The following BRWD1 variants were observed in gnomAD, a reference collection of about 807,000 sequenced individuals.
The protein encoded by BRWD1 is bromodomain and WD repeat-containing protein 1.
BRWD1 carries 82 observed loss-of-function variants against 251.2 expected under a neutral mutation model. The observed-to-expected ratio is 0.33, with a 90% CI of 0.27 to 0.39. BRWD1 has a LOEUF of 0.39. Ranked by LOEUF, BRWD1 falls within the 10% of genes least tolerant of loss-of-function variation. BRWD1 has a pLI of 1.00. For synonymous variants in BRWD1, 918 were observed against 902.8 expected (o/e 1.02, Z -0.30); for missense variants, 2,233 against 2,711.6 (o/e 0.82, Z 3.92).
chr21:39,285,005 G>A (rs1454381230), intron 8 of BRWD1, among the ~76,000 whole-genome samples: 1 of 152,164 alleles, frequency 6.6e-6, no homozygotes, highest in Non-Finnish European at 1.5e-5. Context: ...TCAGTATATT[G>A]AAGAGATAAT....
rs141955656 is a variant in BRWD1 at position 39,293,592 on chromosome 21, C to T, written c.831+219G>A. 3.4e-3 allele frequency among the ~76,000 whole-genome samples: 516 copies of T among 152,200 alleles called. 3 individuals are homozygous for T. The highest frequency in any genetic ancestry group is 0.012 in the African/African-American group (498 of 41,528). On this transcript the variant is annotated intron_variant, in intron 8 of 40. Transcript: ENST00000342449. ...CTAATTGACACTCATCCAGTTCAAC[C>T]ATAAACCCCAAAATATCAATAAGCC...
At chr21:39,277,009 A>T (rs913807019) in intron 11 of BRWD1, among the ~76,000 whole-genome samples, 1 of 152,198 alleles carries the variant, frequency 6.6e-6, no homozygotes, top group African/African-American at 2.4e-5. Flanking sequence ...ACAATATTTT[A>T]ACTGTCAAAT....
intron 32 of BRWD1, 61 bp downstream of exon 32, chr21:39,215,176 A>C (rs1303075171): frequency 2.8e-5 from 44 of 1,561,718 alleles, no homozygotes; most frequent in Non-Finnish European, 3.8e-5. Flanking sequence ...CGGCAAAACT[A>C]GATGATTGTT....
At chr21:39,319,257 C>T (rs1029126748) in intron 1 of BRWD1, among the ~76,000 whole-genome samples, 1 of 152,186 alleles carries the variant, frequency 6.6e-6, no homozygotes, top group Admixed American at 6.5e-5. Context: ...TGCTACTTGT[C>T]CCTGCCTTCC....
chr21:39,209,940 A>G (rs2146492539), intron 36 of BRWD1, 55 bp downstream of exon 36: 2 of 1,535,952 alleles, frequency 1.3e-6, no homozygotes, highest in East Asian at 2.3e-5. Context: ...ATTACATTGG[A>G]AAATTATCTA....
chr21:39,272,599 A>C (rs2035152760), intron 13 of BRWD1, among the ~76,000 whole-genome samples: 1 of 151,296 alleles, frequency 6.6e-6, no homozygotes, highest in African/African-American at 2.4e-5. Context: ...TTTTGAAGTA[A>C]TAACATTGCT....
upstream of BRWD1, chr21:39,314,849 TCA>T (rs2036666027): frequency 6.3e-6 from 1 of 158,288 alleles, no homozygotes; most frequent in Non-Finnish European, 1.4e-5. Flanking sequence ...CCTGTGGGTC[TCA>T]GTGTTCCTTA....
rs73209858 is a variant in BRWD1 at position 39,285,897 on chromosome 21, T to C, written c.832-5649A>G. Among the ~76,000 whole-genome samples the C allele has an allele frequency of 9.8e-3, 1,269 of 130,034 alleles. 17 individuals are homozygous for C. Among genetic ancestry groups the C allele is most frequent in the Admixed American group, 0.034 (428 of 12,632 alleles). The allele number at this position is 130,034 out of a possible 152,430, so 85.3% of individuals were successfully genotyped here. A position where few individuals can be genotyped will look rare whatever the true frequency, so the allele number is the denominator to read the frequency against. ...AAAAAAAAAAAAAAAAAAAAAAGAA[T>C]GTATTCGTCAAAGGTAGTTAGCTGT... On this transcript the variant is annotated intron_variant, in intron 8 of 40. Coordinates refer to ENST00000342449, the MANE Select transcript of BRWD1 (RefSeq NM_033656.4).
intron 19 of BRWD1, 143 bp downstream of exon 19, chr21:39,255,502 C>G (rs2146625680): frequency 2.9e-6 from 2 of 687,904 alleles, no homozygotes; most frequent in East Asian, 5.5e-5. Context: ...TTTCCTACCA[C>G]AATTAAGATA....
At chr21:39,320,118 T>A (rs1192262733) in intron 1 of BRWD1, among the ~76,000 whole-genome samples, 2 of 152,120 alleles carry the variant, frequency 1.3e-5, no homozygotes, top group Non-Finnish European at 2.9e-5. Context: ...TGCCCTTGAG[T>A]TTCCAATGGG....
At chr21:39,214,304 G>A (rs1436236719) in intron 32 of BRWD1, among the ~76,000 whole-genome samples, 2 of 152,130 alleles carry the variant, frequency 1.3e-5, no homozygotes, top group East Asian at 1.9e-4. Flanking sequence ...CTGAATTTAA[G>A]AAAATCTACA....
intron 14 of BRWD1, 74 bp from the exon 15 acceptor site, chr21:39,270,107 T>A (rs2035051893): frequency 7.6e-7 from 1 of 1,313,098 alleles, no homozygotes; most frequent in Non-Finnish European, 1.0e-6. Context: ...TACATACTGT[T>A]ACAGCATATA....
Position 39,191,515 on chromosome 21 carries a change from G to A in BRWD1, c.*4744C>T. 6 of 978,834 alleles carry A rather than the reference G, an allele frequency of 6.1e-6. No individual in the cohort carries two copies. Among genetic ancestry groups the A allele is most frequent in the East Asian group, 1.1e-4 (1 of 8,784 alleles). 60.6% of individuals were successfully genotyped at this position (978,834 alleles called of 1,614,324 possible). On this transcript the variant is annotated 3_prime_UTR_variant, in exon 41 of 41. Coordinates refer to ENST00000342449, the MANE Select transcript of BRWD1 (RefSeq NM_033656.4). ...GAATAGATTAATTTAGAACATTAAC[G>A]ATCTTATGTGAAGTGGAAAACTAAA...
chr21:39,199,516 C>G lies in BRWD1; in HGVS notation c.4900G>C (p.Ala1634Pro). The G allele has an allele frequency of 6.2e-7, 1 of 1,614,172 alleles. No individual in the cohort carries two copies. The highest frequency in any genetic ancestry group is 8.5e-7 in the Non-Finnish European group (1 of 1,180,030). Residue 1634 changes from alanine to proline, a missense_variant, in exon 40 of 41, where the codon GCT (alanine) becomes CCT (proline). By Grantham distance (27) the Ala-to-Pro change is conservative (BLOSUM62 -1). Coordinates refer to ENST00000342449, the MANE Select transcript of BRWD1 (RefSeq NM_033656.4). ...NNRKVLRKCA[A>P]VAANKIKLMS... ...AGCTTTATTTTATTGGCAGCCACAG[C>G]AGCACACTTCCTTAAGACTTTTCGG...
chr21:39,305,069 C>T (rs2036243719), intron 4 of BRWD1, among the ~76,000 whole-genome samples: 1 of 149,960 alleles, frequency 6.7e-6, no homozygotes, highest in Non-Finnish European at 1.5e-5. Flanking sequence ...AAGCAATTCT[C>T]CTGCCTCAAC....
chr21:39,228,015 C>T (rs1297271324), intron 27 of BRWD1, among the ~76,000 whole-genome samples: 1 of 152,102 alleles, frequency 6.6e-6, no homozygotes. Flanking sequence ...TAGGGCTGGG[C>T]ACGGTGGCTC....
At chr21:39,300,128 A>T (rs1324424515) in intron 4 of BRWD1, among the ~76,000 whole-genome samples, 1 of 152,198 alleles carries the variant, frequency 6.6e-6, no homozygotes, top group African/African-American at 2.4e-5. Flanking sequence ...GGCATGACTG[A>T]TTAGAATCCT....
In BRWD1 at chr21:39,190,960, T is replaced by C. The variant is rs1341287904; in HGVS notation, c.*5299A>G. On this transcript the variant is annotated 3_prime_UTR_variant, in exon 41 of 41. Coordinates refer to ENST00000342449, the MANE Select transcript of BRWD1 (RefSeq NM_033656.4). ...TAATCTAGCTCATCACAATACAGTT[T>C]TCTCTCACCCCTAGAAAAACTCAGA... The C allele has an allele frequency of 1.0e-6, 1 of 985,194 alleles. No individual in the cohort carries two copies. The highest frequency in any genetic ancestry group is 1.1e-4 in the East Asian group (1 of 8,822). 61.0% of individuals were successfully genotyped at this position (985,194 alleles called of 1,614,324 possible).
chr21:39,186,253 T>C lies in BRWD1; in HGVS notation c.*10006A>G, dbSNP rs1208247962. The C allele has an allele frequency of 6.6e-6, 1 of 152,154 alleles. No individual in the cohort carries two copies. The highest frequency in any genetic ancestry group is 1.5e-5 in the Non-Finnish European group (1 of 68,010). 9.4% of individuals were successfully genotyped at this position (152,154 alleles called of 1,614,324 possible). On this transcript the variant is annotated 3_prime_UTR_variant, in exon 41 of 41. Coordinates refer to ENST00000342449, the MANE Select transcript of BRWD1 (RefSeq NM_033656.4). ...TTCTGTAAATGCTGCTACATACAAG[T>C]AAAAATAAGGAAAAGCCGTGATAGT...
Sources: allele counts gnomAD v4.1 joint callset (sites outside exome capture counted in the v4.1 genomes callset), GRCh38; gene constraint gnomAD v4.1.1; transcripts MANE v1.5; gene names NCBI Gene and HGNC (gene_info 2026-07-23, HGNC 2026-07-21).